PKP2: variants seen among roughly 807,000 people sequenced by gnomAD.
PKP2 encodes the protein plakophilin-2.
PKP2 carries 73 observed loss-of-function variants against 83.4 expected under a neutral mutation model. That is an observed-to-expected ratio of 0.88 (90% CI 0.72 to 1.06). The LOEUF (loss-of-function observed/expected upper bound fraction) is 1.06. Ranked by LOEUF, PKP2 falls within the 50% of genes least tolerant of loss-of-function variation. The pLI, the probability that PKP2 is intolerant of heterozygous loss-of-function variation, is 0.00. For synonymous variants in PKP2, 409 were observed against 430.4 expected (o/e 0.95, Z 0.62); for missense variants, 966 against 1,065.4 (o/e 0.91, Z 1.30).
chr12:32,793,858 G>A (rs1956097083), intron 11 of PKP2, among the ~76,000 whole-genome samples: 1 of 152,122 alleles, frequency 6.6e-6, no homozygotes, highest in East Asian at 1.9e-4. Context: ...GCCTCTCATA[G>A]TGCTGGGATT....
intron 4 of PKP2, among the ~76,000 whole-genome samples, chr12:32,859,750 C>T (rs749113995): frequency 7.8e-4 from 118 of 152,160 alleles, no homozygotes; most frequent in Non-Finnish European, 1.5e-3. Context: ...GCCACTATAC[C>T]TGGCCCTCAA....
chr12:32,795,659 G>A lies in PKP2; in HGVS notation c.2357+450C>T, dbSNP rs575131775. ...GCCTCCCAAAGTGCTGGGATTACAGGCATGAGCCACTGTGCCCAGCCCATC... is the reference window on the plus strand; with the variant it reads ...GCCTCCCAAAGTGCTGGGATTACAGACATGAGCCACTGTGCCCAGCCCATC... On this transcript the variant is annotated intron_variant, in intron 11 of 12. Transcript: ENST00000340811. Among the ~76,000 whole-genome samples, 295 of 152,262 alleles carry A rather than the reference G, an allele frequency of 1.9e-3. 1 individual carries two copies. The highest frequency in any genetic ancestry group is 9.8e-4 in the Non-Finnish European group (67 of 68,028).
At chr12:32,797,209 G>A (rs1469968669) in intron 10 of PKP2, among the ~76,000 whole-genome samples, 1 of 151,956 alleles carries the variant, frequency 6.6e-6, no homozygotes, top group African/African-American at 2.4e-5. Flanking sequence ...GGAGGCTGAG[G>A]TGGGTGGATC....
At chr12:32,856,287 G>A (rs1283836257) in intron 4 of PKP2, among the ~76,000 whole-genome samples, 1 of 152,244 alleles carries the variant, frequency 6.6e-6, no homozygotes, top group Non-Finnish European at 1.5e-5. Flanking sequence ...GCAGTTATTG[G>A]AAAGGTCTCC....
intron 9 of PKP2, among the ~76,000 whole-genome samples, chr12:32,819,283 A>AAATACAATAC (rs139908317): frequency 2.2e-4 from 8 of 36,468 alleles, no homozygotes; most frequent in African/African-American, 6.1e-4. Flanking sequence ...GCCTCAAAAT[A>AAATACAATAC]AATACAATAC....
intron 4 of PKP2, among the ~76,000 whole-genome samples, chr12:32,855,645 G>A (rs1448656929): frequency 2.0e-5 from 3 of 151,676 alleles, no homozygotes; most frequent in Non-Finnish European, 2.9e-5. Context: ...GTGTGGTGGC[G>A]CAAGCCTGTA....
chr12:32,814,938 T>A (rs1324039601), intron 9 of PKP2, among the ~76,000 whole-genome samples: 1 of 151,246 alleles, frequency 6.6e-6, no homozygotes, highest in East Asian at 1.9e-4. Context: ...AAAAAAAAAA[T>A]TCCAATAATC....
At chr12:32,828,939 T>TG (rs1198405760) in intron 6 of PKP2, among the ~76,000 whole-genome samples, 4 of 150,888 alleles carry the variant, frequency 2.7e-5, no homozygotes, top group Middle Eastern at 3.2e-3. Context: ...TTTTTTTTTG[T>TG]TTTGTTTTGT....
At chr12:32,833,151 G>A (rs1379473168) in intron 6 of PKP2, among the ~76,000 whole-genome samples, 1 of 152,192 alleles carries the variant, frequency 6.6e-6, no homozygotes, top group African/African-American at 2.4e-5. Context: ...GCTGAGACAG[G>A]AGAATTGCTT....
intron 9 of PKP2, among the ~76,000 whole-genome samples, chr12:32,813,542 G>T (rs1337495865): frequency 6.6e-6 from 1 of 152,116 alleles, no homozygotes; most frequent in Non-Finnish European, 1.5e-5. Flanking sequence ...CACTTTGGGA[G>T]GCTGAGGCAG....
chr12:32,827,998 G>C (rs1319031846), intron 6 of PKP2, among the ~76,000 whole-genome samples: 1 of 152,230 alleles, frequency 6.6e-6, no homozygotes, highest in East Asian at 1.9e-4. Flanking sequence ...CTTAGGAGAA[G>C]TAGAGTGAGG....
At chr12:32,865,473 A>G (rs7138114) in intron 4 of PKP2, among the ~76,000 whole-genome samples, 15 of 151,682 alleles carry the variant, frequency 9.9e-5, no homozygotes, top group Non-Finnish European at 1.5e-4. Context: ...TTGAGGCAAG[A>G]AGTTCAAGAC....
chr12:32,868,005 T>C (rs760175625), intron 4 of PKP2, among the ~76,000 whole-genome samples: 1 of 152,158 alleles, frequency 6.6e-6, no homozygotes. Context: ...CATTGAACAA[T>C]TGTTACAAAT....
At chr12:32,838,598 A>C (rs887859961) in intron 6 of PKP2, among the ~76,000 whole-genome samples, 1 of 152,208 alleles carries the variant, frequency 6.6e-6, no homozygotes, top group Non-Finnish European at 1.5e-5. Context: ...TACTCTTATC[A>C]GACTTGATTA....
chr12:32,873,446 A>T (rs970202182), intron 3 of PKP2, among the ~76,000 whole-genome samples: 1 of 151,962 alleles, frequency 6.6e-6, no homozygotes, highest in African/African-American at 2.4e-5. Flanking sequence ...TGTATCACAC[A>T]ACCTAGCACT....
intron 1 of PKP2, among the ~76,000 whole-genome samples, chr12:32,887,722 C>A (rs544525394): frequency 6.6e-6 from 1 of 152,184 alleles, no homozygotes; most frequent in Admixed American, 6.5e-5. Context: ...AAAGTGCCAG[C>A]GCTTTAGGCG....
At position 32,825,168 on chromosome 12, in the gene PKP2, T is replaced by C. The variant is rs1294066418; in HGVS notation, c.1557-1006A>G. Among the ~76,000 whole-genome samples, 27 of 138,946 alleles carry C rather than the reference T, an allele frequency of 1.9e-4. 1 individual carries two copies. Among genetic ancestry groups the C allele is most frequent in the East Asian group, 8.3e-4 (4 of 4,828 alleles). The allele number at this position is 138,946 out of a possible 152,430, so 91.2% of individuals were successfully genotyped here. A position where few individuals can be genotyped will look rare whatever the true frequency, so the allele number is the denominator to read the frequency against. On this transcript the variant is annotated intron_variant, in intron 6 of 12. Transcript: ENST00000340811. ...AAATGTATCAGATCAGTTTCTTTTTTTTTTTTTTTTTTTTTTTTGAGACGG... is the reference window on the plus strand; with the variant it reads ...AAATGTATCAGATCAGTTTCTTTTTCTTTTTTTTTTTTTTTTTTGAGACGG...
intron 6 of PKP2, chr12:32,824,477 TAG>T (rs1196050795): frequency 2.8e-6 from 1 of 363,624 alleles, no homozygotes; most frequent in Non-Finnish European, 5.3e-6. Flanking sequence ...TTTTTGCAAC[TAG>T]AACAAGAGCA....
chr12:32,878,298 A>C lies in PKP2; in HGVS notation c.582T>G (p.Tyr194Ter), dbSNP rs532048791. The change falls in exon 3 of 13, where the codon TAT becomes TAG. Residue 194 changes from tyrosine to a stop codon, truncating the protein, a stop_gained. Coordinates refer to ENST00000340811, the MANE Select transcript of PKP2 (RefSeq NM_001005242.3). LOFTEE classifies it high-confidence loss of function. The part of the protein sequence containing the change: ...RRAALLVPPR[Y>*]ARSEIVGVSR... ...TGACCCCCACGATCTCGGAACGAGC[A>C]TATCTCGGTGGCACTAGGAGGGCGG... The C allele has an allele frequency of 1.9e-6, 3 of 1,613,046 alleles. No individual in the cohort carries two copies. Among genetic ancestry groups the C allele is most frequent in the Non-Finnish European group, 1.7e-6 (2 of 1,179,942 alleles).
Sources: gnomAD v4.1 joint callset for allele counts (sites outside exome capture counted in the v4.1 genomes callset) on GRCh38, gnomAD v4.1.1 for gene constraint, MANE v1.5 for transcripts, NCBI Gene and HGNC (gene_info 2026-07-23, HGNC 2026-07-21) for gene names.